Variants in KCNIP4 observed in about 807,000 individuals in gnomAD.
The protein encoded by KCNIP4 is potassium voltage-gated channel interacting protein 4.
Under a neutral mutation model 34.0 loss-of-function variants are expected in KCNIP4, and 12 were observed. That is an observed-to-expected ratio of 0.35 (90% CI 0.23 to 0.57). The LOEUF is 0.57. Ranked by LOEUF, KCNIP4 falls within the 20% of genes least tolerant of loss-of-function variation. The probability of loss-of-function intolerance (pLI) is 0.83; values close to 1 mark genes in which losing one functional copy is unlikely to be tolerated. For synonymous variants in KCNIP4, 124 were observed against 102.2 expected (o/e 1.21, Z -1.29); for missense variants, 238 against 311.7 (o/e 0.76, Z 1.78).
intron 1 of KCNIP4, among the ~76,000 whole-genome samples, chr4:21,311,353 C>T (rs190159006): frequency 3.4e-4 from 51 of 152,162 alleles, no homozygotes; most frequent in African/African-American, 8.9e-4. Context: ...ATCTTCACCA[C>T]GAGTAATATA....
chr4:21,001,368 C>CA (rs1386178650), intron 1 of KCNIP4, among the ~76,000 whole-genome samples: 1 of 152,140 alleles, frequency 6.6e-6, no homozygotes, highest in Non-Finnish European at 1.5e-5. Flanking sequence ...TGAGTGACCA[C>CA]AAAACCCCTT....
intron 1 of KCNIP4, among the ~76,000 whole-genome samples, chr4:21,448,448 G>A (rs62295493): frequency 3.3e-5 from 5 of 152,018 alleles, no homozygotes; most frequent in South Asian, 4.1e-4. Context: ...ATTGGAAAGC[G>A]GAACTTATAA....
chr4:21,041,959 ATACC>A (rs1416626317), intron 1 of KCNIP4, among the ~76,000 whole-genome samples: 1 of 152,180 alleles, frequency 6.6e-6, no homozygotes, highest in Non-Finnish European at 1.5e-5. Context: ...TAAAGACAAA[ATACC>A]TAACTTTCTT....
At chr4:21,411,217 G>A (rs1020525922) in intron 1 of KCNIP4, among the ~76,000 whole-genome samples, 3 of 152,178 alleles carry the variant, frequency 2.0e-5, no homozygotes, top group African/African-American at 4.8e-5. Context: ...CAAAGAGTTT[G>A]TGTTGATGTA....
chr4:21,287,526 C>A (rs1763193922), intron 1 of KCNIP4, among the ~76,000 whole-genome samples: 1 of 152,110 alleles, frequency 6.6e-6, no homozygotes, highest in African/African-American at 2.4e-5. Flanking sequence ...ATAATAATCC[C>A]CTGAAACATA....
At chr4:21,093,662 C>T (rs1327105033) in intron 1 of KCNIP4, among the ~76,000 whole-genome samples, 3 of 151,970 alleles carry the variant, frequency 2.0e-5, no homozygotes, top group African/African-American at 7.3e-5. Context: ...ACTATATGGG[C>T]TAATGATAAC....
chr4:21,104,162 T>G (rs1278120774), intron 1 of KCNIP4, among the ~76,000 whole-genome samples: 1 of 141,482 alleles, frequency 7.1e-6, no homozygotes, highest in African/African-American at 2.8e-5. Flanking sequence ...ATCGCCACAC[T>G]GTCTTCCACA....
Position 21,231,122 on chromosome 4 carries a change from C to T in KCNIP4, c.62-348413G>A, listed in dbSNP as rs1420501311. Among the ~76,000 whole-genome samples, 4 of 152,198 alleles carry T rather than the reference C, an allele frequency of 2.6e-5. No individual in the cohort carries two copies. In the East Asian group the frequency reaches 7.7e-4, roughly 29 times the overall value. Reference sequence around the variant, plus strand: ...TGTACATCCTCATTCTTAATTTGGCCTGACTATCATAGAAATGTCTTCTCC... The same window carrying T: ...TGTACATCCTCATTCTTAATTTGGCTTGACTATCATAGAAATGTCTTCTCC... On this transcript the variant is annotated intron_variant, in intron 1 of 8. Transcript: ENST00000382152.
In KCNIP4 at chr4:21,369,993, A is replaced by C. The variant is rs961561305; in HGVS notation, c.62-487284T>G. Among the ~76,000 whole-genome samples the C allele has an allele frequency of 7.5e-5, 11 of 146,258 alleles. 1 individual carries two copies. Among genetic ancestry groups the C allele is most frequent in the Non-Finnish European group, 7.4e-5 (5 of 67,982 alleles). ...CAGGCACCTGCCACCATGCCTGGCT[A>C]ATTTTTTGTATTTTTATTAGAGACG... On this transcript the variant is annotated intron_variant, in intron 1 of 8. Coordinates refer to ENST00000382152, the MANE Select transcript of KCNIP4 (RefSeq NM_025221.6).
chr4:21,932,626 T>C (rs1729634872), intron 1 of KCNIP4, among the ~76,000 whole-genome samples: 1 of 152,056 alleles, frequency 6.6e-6, no homozygotes. Context: ...ATTTTACTGG[T>C]GTTCTGACAG....
At chr4:21,147,126 C>A (rs533139954) in intron 1 of KCNIP4, among the ~76,000 whole-genome samples, 35 of 152,132 alleles carry the variant, frequency 2.3e-4, no homozygotes, top group Non-Finnish European at 4.3e-4. Flanking sequence ...GAGTGCCTGG[C>A]CTGAGCTGGA....
intron 1 of KCNIP4, among the ~76,000 whole-genome samples, chr4:21,119,189 T>C (rs1041858011): frequency 6.6e-6 from 1 of 152,028 alleles, no homozygotes; most frequent in Non-Finnish European, 1.5e-5. Flanking sequence ...AGGGCCCAAA[T>C]GGTGGAAGAG....
chr4:21,195,003 T>C (rs1420864405), intron 1 of KCNIP4, among the ~76,000 whole-genome samples: 1 of 152,190 alleles, frequency 6.6e-6, no homozygotes, highest in East Asian at 1.9e-4. Flanking sequence ...GACCCATGGG[T>C]TAGATCTCAG....
At chr4:21,363,237 C>T (rs897475241) in intron 1 of KCNIP4, among the ~76,000 whole-genome samples, 2 of 152,172 alleles carry the variant, frequency 1.3e-5, no homozygotes, top group Non-Finnish European at 2.9e-5. Flanking sequence ...TTGACTGCCA[C>T]AGCCCTGTGG....
At chr4:21,458,479 T>A (rs1729158088) in intron 1 of KCNIP4, among the ~76,000 whole-genome samples, 2 of 151,988 alleles carry the variant, frequency 1.3e-5, no homozygotes, top group Admixed American at 1.3e-4. Flanking sequence ...TTTTATGATG[T>A]AAACTGAACC....
chr4:21,445,437 C>T (rs150398405), intron 1 of KCNIP4, among the ~76,000 whole-genome samples: 21,322 of 151,008 alleles, frequency 0.14, 1,702 homozygotes, highest in African/African-American at 0.22. Context: ...TATAGACCAA[C>T]GGAACAGAAC....
intron 1 of KCNIP4, among the ~76,000 whole-genome samples, chr4:21,031,479 T>C (rs931183665): frequency 6.6e-6 from 1 of 152,226 alleles, no homozygotes; most frequent in African/African-American, 2.4e-5. Context: ...CTTTACTCCA[T>C]GAATTCAGAT....
At position 21,516,219 on chromosome 4, in the gene KCNIP4, TC is replaced by T. The variant is rs1171509328; in HGVS notation, c.61+432351del. Among the ~76,000 whole-genome samples, 22 of 152,174 alleles carry T rather than the reference TC, an allele frequency of 1.4e-4. No individual in the cohort carries two copies. The East Asian group carries it at 3.9e-3, about 27-fold the overall frequency. On this transcript the variant is annotated intron_variant, in intron 1 of 8. Coordinates refer to ENST00000382152, the MANE Select transcript of KCNIP4 (RefSeq NM_025221.6). The stretch of plus-strand genomic sequence containing the variant: ...AATATCTTCAGAAAAAGTTGTCATT[TC>T]CCCCTTTGTTGTCCCACGAATAATA...
intron 1 of KCNIP4, among the ~76,000 whole-genome samples, chr4:21,707,857 AG>A (rs1295340565): frequency 4.6e-5 from 7 of 151,842 alleles, no homozygotes; most frequent in African/African-American, 1.7e-4. Flanking sequence ...CTAGATTATA[AG>A]AAAAAAGGAT....
Sources: allele counts gnomAD v4.1 joint callset (sites outside exome capture counted in the v4.1 genomes callset), GRCh38; gene constraint gnomAD v4.1.1; transcripts MANE v1.5; gene names NCBI Gene and HGNC (gene_info 2026-07-23, HGNC 2026-07-21).